Variants in RIF1 observed in about 807,000 individuals in gnomAD.
The protein encoded by RIF1 is telomere-associated protein RIF1.
RIF1 carries 45 observed loss-of-function variants against 247.1 expected under a neutral mutation model. That is an observed-to-expected ratio of 0.18 (90% CI 0.14 to 0.23). The LOEUF (loss-of-function observed/expected upper bound fraction) is 0.23. RIF1 is among the 10% of genes least tolerant of loss of function. The pLI is 1.00. For synonymous variants in RIF1, 1,087 were observed against 978.8 expected (o/e 1.11, Z -2.06); for missense variants, 2,967 against 2,862.5 (o/e 1.04, Z -0.83).
chr2:151,533,553 A>G, the RIF1 span: 4 of 1,533,912 alleles, frequency 2.6e-6, no homozygotes, highest in African/African-American at 4.1e-5. Flanking sequence ...TTCTCTGTCC[A>G]TGCAAAGAGC....
chr2:151,533,770 C>G, the RIF1 span, among the ~76,000 whole-genome samples: 3 of 152,218 alleles, frequency 2.0e-5, no homozygotes, highest in Admixed American at 2.0e-4. Flanking sequence ...AATGATACAG[C>G]TAGTTTCACT....
At position 151,506,149 on chromosome 2, in the gene RIF1, A is replaced by C; in HGVS notation, c.*862-61A>C. 4 of 1,584,572 alleles carry C rather than the reference A, an allele frequency of 2.5e-6. No homozygotes were observed. In the South Asian group the frequency reaches 4.4e-5, roughly 18 times the overall value. On this transcript the variant is annotated intron_variant and NMD_transcript_variant, in intron 12 of 13. Transcript: ENST00000454583. ...GGGAGGCAGAAAATATTGCAAGTGCATTCACTGTGTCTTTACCGAGCTAAT... is the reference window on the plus strand; with the variant it reads ...GGGAGGCAGAAAATATTGCAAGTGCCTTCACTGTGTCTTTACCGAGCTAAT...
At position 151,477,971 on chromosome 2, in the gene RIF1, A is replaced by G. The variant is rs1431038834; in HGVS notation, c.*2900A>G. 1 of 152,138 alleles carries G rather than the reference A, an allele frequency of 6.6e-6. No homozygotes were observed. The highest frequency in any genetic ancestry group is 1.5e-5 in the Non-Finnish European group (1 of 68,032). 9.4% of individuals were successfully genotyped at this position (152,138 alleles called of 1,614,324 possible). A position where few individuals can be genotyped will look rare whatever the true frequency, so the allele number is the denominator to read the frequency against. On this transcript the variant is annotated 3_prime_UTR_variant, in exon 36 of 36. Transcript: ENST00000444746. ...ATATCCACCTGCCTCAGCCTCCTAA[A>G]ATGGTGGCATTACAGGCGTGAGCCA...
At chr2:151,483,170 C>T (rs538110268), downstream of RIF1, 2 of 152,146 alleles carry the variant, frequency 1.3e-5, no homozygotes, top group Admixed American at 6.5e-5. Context: ...TGAGATGTAA[C>T]CCATAGACCT....
At chr2:151,459,907 A>T in intron 25 of RIF1, 93 bp from the exon 26 acceptor site, 1 of 1,028,680 alleles carries the variant, frequency 9.7e-7, no homozygotes, top group Non-Finnish European at 1.4e-6. Flanking sequence ...AATATTTGCA[A>T]TTACTATTTA....
intron 14 of RIF1, among the ~76,000 whole-genome samples, chr2:151,439,026 A>G (rs1691765917): frequency 6.6e-6 from 1 of 152,242 alleles, no homozygotes; most frequent in Admixed American, 6.5e-5. Context: ...TGCTGATAAC[A>G]TAAATAGCTG....
chr2:151,531,725 A>T, the RIF1 span: 2 of 1,232,156 alleles, frequency 1.6e-6, no homozygotes, highest in East Asian at 4.8e-5. Flanking sequence ...TGACAATTTA[A>T]AATGCCCCTC....
At chr2:151,508,994 G>A (rs1215799568), downstream of RIF1, among the ~76,000 whole-genome samples, 4 of 152,208 alleles carry the variant, frequency 2.6e-5, no homozygotes, top group Non-Finnish European at 5.9e-5. Context: ...CTTAGCTCCA[G>A]TTTTTCCCAC....
rs750424945 is a variant in RIF1, at chr2:151,435,506, A to G, written c.1121A>G (p.Asn374Ser). The change falls in exon 11 of 36, where the codon AAT becomes AGT. Residue 374 changes from asparagine to serine, a missense_variant. This residue lies in a region of RIF1 where 369 missense variants were observed against 322.0 expected (regional missense o/e 1.15). Coordinates refer to ENST00000444746, the MANE Select transcript of RIF1 (RefSeq NM_018151.5). Reference protein sequence around the residue: ...LIQSTISIDSNASPQGNSCHV... With the variant: ...LIQSTISIDSSASPQGNSCHV... ...CAAAGTACAATAAGCATTGATTCTA[A>G]TGCCTCACCTCAGGGCAATTCGTGT... The G allele has an allele frequency of 6.2e-6, 10 of 1,613,148 alleles. No individual in the cohort carries two copies. Among genetic ancestry groups the G allele is most frequent in the Middle Eastern group, 1.6e-4 (1 of 6,076 alleles).
At chr2:151,430,003 A>G (rs965690352) in intron 9 of RIF1, among the ~76,000 whole-genome samples, 3 of 151,190 alleles carry the variant, frequency 2.0e-5, no homozygotes, top group African/African-American at 7.3e-5. Flanking sequence ...TATTGTGATT[A>G]TTTGCATTAA....
chr2:151,455,256 G>C, intron 22 of RIF1, 97 bp downstream of exon 22: 1 of 834,496 alleles, frequency 1.2e-6, no homozygotes, highest in Non-Finnish European at 1.8e-6. Context: ...GTAGATGGTA[G>C]TCTTGACAAT....
rs1271574887 is a variant in RIF1, at chr2:151,443,338, G to A, written c.1805+9G>A. On this transcript the variant is annotated intron_variant, in intron 17 of 35. Transcript: ENST00000444746. ...GGTGTATCAGATGAAAGGTAAGTTT[G>A]TACTTTAACTTGAAACTTTGTCTTG... 6.5e-7 allele frequency: 1 copy of A among 1,541,904 alleles called. No homozygotes were observed. Among genetic ancestry groups the A allele is most frequent in the South Asian group, 1.1e-5 (1 of 87,224 alleles).
At chr2:151,484,231 CTGT>C (rs1386983069), downstream of RIF1, among the ~76,000 whole-genome samples, 1 of 152,168 alleles carries the variant, frequency 6.6e-6, no homozygotes, top group Non-Finnish European at 1.5e-5. Flanking sequence ...GACAAAGGTT[CTGT>C]TGTTCTTTGC....
At chr2:151,483,286 G>A (rs1241508768), downstream of RIF1, 1 of 152,062 alleles carries the variant, frequency 6.6e-6, no homozygotes, top group Non-Finnish European at 1.5e-5. Context: ...ACAAGCACAA[G>A]CAGATGGCAG....
intron 22 of RIF1, 50 bp downstream of exon 22, chr2:151,455,209 T>C: frequency 1.4e-6 from 2 of 1,380,898 alleles, no homozygotes; most frequent in South Asian, 1.4e-5. Flanking sequence ...ACAATTTAAA[T>C]ATAGGTAGCA....
rs1322463879 is a variant in RIF1 at position 151,464,939 on chromosome 2, A to G, written c.5419A>G (p.Ile1807Val). The G allele has an allele frequency of 3.8e-6, 6 of 1,571,540 alleles. No homozygotes were observed. Among genetic ancestry groups the G allele is most frequent in the Admixed American group, 4.1e-5 (2 of 49,016 alleles). Residue 1807 changes from isoleucine (I) to valine (V), a missense_variant, in exon 30 of 36, where the codon ATT becomes GTT. By Grantham distance (29) the Ile-to-Val change is conservative (BLOSUM62 3). Around this residue, in one of 7 missense-constraint regions of RIF1, gnomAD observed 2,028 missense variants for 1,825.6 expected, o/e 1.11. Coordinates refer to ENST00000444746, the MANE Select transcript of RIF1 (RefSeq NM_018151.5). ...HLGLKEDNDT[I>V]NDSLIVSETK... is the part of the protein sequence containing the mutation. ...GGGTCTCAAAGAGGATAATGATACT[A>G]TTAATGATTCATTAATTGTTTCTGA...
chr2:151,529,233 C>T, the RIF1 span: 2 of 1,612,728 alleles, frequency 1.2e-6, no homozygotes, highest in East Asian at 2.2e-5. Flanking sequence ...TTGTAGGCGT[C>T]CTTGGCTGCT....
intron 3 of RIF1, 145 bp downstream of exon 3, chr2:151,411,483 A>C (rs1573822923): frequency 3.8e-6 from 2 of 532,940 alleles, no homozygotes; most frequent in Non-Finnish European, 6.7e-6. Flanking sequence ...GCTCACTGAA[A>C]CCTCCGCCTC....
the RIF1 span, chr2:151,527,050 G>T: frequency 6.8e-7 from 1 of 1,472,946 alleles, no homozygotes; most frequent in South Asian, 1.2e-5. Context: ...CAGAAGAAAA[G>T]GGAAGGGTGA....
Sources: allele counts gnomAD v4.1 joint callset (sites outside exome capture counted in the v4.1 genomes callset), GRCh38; gene constraint gnomAD v4.1.1; regional missense constraint gnomAD v4.1.1; transcripts MANE v1.5; gene names NCBI Gene and HGNC (gene_info 2026-07-23, HGNC 2026-07-21).